The following SPARCL1 variants were observed in gnomAD, a reference collection of about 807,000 sequenced individuals.
SPARCL1 encodes SPARC like 1.
In SPARCL1, 52 loss-of-function variants were observed where a neutral mutation model predicts 67.1. The ratio of observed to expected loss-of-function variants is 0.78; its 90% CI spans 0.62 to 0.98. SPARCL1 has a LOEUF of 0.98. SPARCL1 is among the 50% of genes least tolerant of loss of function. The pLI is 0.00. For synonymous variants in SPARCL1, 226 were observed against 267.8 expected, an observed-to-expected ratio of 0.84 and a Z score of 1.52; for missense variants, 717 against 782.4, an observed-to-expected ratio of 0.92 and a Z score of 1.00.
intron 7 of SPARCL1, among the ~76,000 whole-genome samples, chr4:87,484,926 A>G (rs1723988832): frequency 6.6e-6 from 1 of 152,100 alleles, no homozygotes; most frequent in Admixed American, 6.5e-5. Flanking sequence ...GTATCCTGAG[A>G]CTTTGCTGAA....
chr4:87,516,662 G>A (rs1300983838), intron 1 of SPARCL1, among the ~76,000 whole-genome samples: 1 of 152,150 alleles, frequency 6.6e-6, no homozygotes, highest in Non-Finnish European at 1.5e-5. Flanking sequence ...TCAGCAGTGA[G>A]GAGCATGGAA....
chr4:87,493,908 C>A lies in SPARCL1; in HGVS notation c.892G>T (p.Gly298Cys). ...CTGATAGCTTCTAGGCCAGTTTTAC[C>A]CTCTTGACTCTGCCATTCAGTTTCT... ...IQETEWQSQE[G>C]KTGLEAISNH... Residue 298 changes from glycine (G) to cysteine (C), a missense_variant, in exon 4 of 11, where the codon GGT becomes TGT. Transcript: ENST00000282470. 2 of 1,613,994 alleles carry A rather than the reference C, an allele frequency of 1.2e-6. No homozygotes were observed. The highest frequency in any genetic ancestry group is 1.7e-5 in the Admixed American group (1 of 60,002).
intron 10 of SPARCL1, among the ~76,000 whole-genome samples, 192 bp downstream of exon 10, chr4:87,479,238 C>A (rs921862703): frequency 6.6e-6 from 1 of 152,152 alleles, no homozygotes; most frequent in East Asian, 1.9e-4. Context: ...GAAAACAGTG[C>A]CATAAAGGTA....
chr4:87,520,636 T>C (rs1300502579), intron 1 of SPARCL1, among the ~76,000 whole-genome samples: 2 of 152,188 alleles, frequency 1.3e-5, no homozygotes, highest in African/African-American at 4.8e-5. Flanking sequence ...AGTTTCCTTT[T>C]GTATCAAAAA....
At chr4:87,528,648 T>G (rs1726152106) in intron 1 of SPARCL1, 1 of 152,148 alleles carries the variant, frequency 6.6e-6, no homozygotes, top group South Asian at 2.1e-4. Flanking sequence ...AACATACAAA[T>G]TATTTGATTT....
chr4:87,494,528 GA>G lies in SPARCL1; in HGVS notation c.271del (p.Ser91LeufsTer7). The G allele has an allele frequency of 6.2e-7, 1 of 1,614,098 alleles. No homozygotes were observed. ...HEQSAEQGKS[S>X]SQELGLKDQE... ...ATCCTTCAATCCCAGCTCTTGGCTA[GA>G]ACTCTTGCCCTGTTCTGCTGACTGT... On this transcript the variant is annotated frameshift_variant, in exon 4 of 11. Transcript: ENST00000282470. LOFTEE classifies it high-confidence loss of function.
intron 1 of SPARCL1, among the ~76,000 whole-genome samples, chr4:87,502,706 TC>T: frequency 6.6e-6 from 1 of 152,246 alleles, no homozygotes; most frequent in Non-Finnish European, 1.5e-5. Flanking sequence ...TCTTTGTTTT[TC>T]CTGTTGAAAG....
At chr4:87,505,543 ATATTT>A (rs1311545080) in intron 1 of SPARCL1, among the ~76,000 whole-genome samples, 4 of 151,900 alleles carry the variant, frequency 2.6e-5, no homozygotes, top group African/African-American at 9.6e-5. Context: ...ATAGTCACTT[ATATTT>A]TATTTTATTT....
rs117758185 is a variant in SPARCL1 at position 87,493,886 on chromosome 4, A to G, written c.914T>C (p.Ile305Thr). ...TTCTTCTGTCTCTTTGTGGTTGCTG[A>G]TAGCTTCTAGGCCAGTTTTACCCTC... ...SQEGKTGLEAISNHKETEEKT... is the reference protein window; with the variant it reads ...SQEGKTGLEATSNHKETEEKT... The change falls in exon 4 of 11, where the codon ATC becomes ACC. Residue 305 changes from isoleucine (I) to threonine (T), a missense_variant. Transcript: ENST00000282470. 2.8e-3 allele frequency: 4,564 copies of G among 1,614,134 alleles called. 93 individuals are homozygous for G. The highest frequency in any genetic ancestry group is 0.014 in the East Asian group (627 of 44,888).
chr4:87,517,442 C>T (rs1453845840), intron 1 of SPARCL1, among the ~76,000 whole-genome samples: 1 of 152,134 alleles, frequency 6.6e-6, no homozygotes, highest in Non-Finnish European at 1.5e-5. Context: ...GAATGATTGG[C>T]TTCATGTTGT....
At position 87,494,249 on chromosome 4, in the gene SPARCL1, C is replaced by A; in HGVS notation, c.551G>T (p.Gly184Val). 1 of 1,614,028 alleles carries A rather than the reference C, an allele frequency of 6.2e-7. No homozygotes were observed. Among genetic ancestry groups the A allele is most frequent in the African/African-American group, 1.3e-5 (1 of 74,994 alleles). The change falls in exon 4 of 11, where the codon GGC becomes GTC. Residue 184 changes from glycine to valine, a missense_variant. Gly to Val is a moderately radical substitution (Grantham distance 109). Transcript: ENST00000282470. ...CTCTTGGTTTCCTTGATCCCTTAGG[C>A]CTTGGCTATGTTTACTGCTCCTGTT... The part of the protein sequence containing the change: ...QLNRSSKHSQ[G>V]LRDQGNQEQD...
intron 1 of SPARCL1, among the ~76,000 whole-genome samples, chr4:87,504,185 T>TGTGGGGGGGGGGGGGGGGGGGG (rs1553970328): frequency 5.2e-5 from 1 of 19,064 alleles, no homozygotes; most frequent in Admixed American, 8.0e-4. Context: ...GTGTGTGTGG[T>TGTGGGGGGGGGGGGGGGGGGGG]GGGGTGGGGG....
intron 1 of SPARCL1, among the ~76,000 whole-genome samples, chr4:87,506,167 G>A (rs763885065): frequency 8.5e-5 from 13 of 152,156 alleles, no homozygotes; most frequent in South Asian, 2.1e-4. Context: ...TTGGTTTAGC[G>A]GAAGCAGACT....
chr4:87,524,376 C>T (rs1725950380), intron 1 of SPARCL1, among the ~76,000 whole-genome samples: 1 of 152,134 alleles, frequency 6.6e-6, no homozygotes, highest in South Asian at 2.1e-4. Flanking sequence ...GAAACTTACC[C>T]AATAGTCCCA....
In SPARCL1 at chr4:87,494,368, A is replaced by T; in HGVS notation, c.432T>A (p.Gly144=). ...LSENTDFLAP[G]VSSFTDSNQQ... ...GGTTAGAATCTGTGAAGGAACTAAC[A>T]CCAGGAGCCAAAAAATCAGTGTTCT... Residue 144 remains glycine, a synonymous_variant, in exon 4 of 11, where the codon GGT becomes GGA. Coordinates refer to ENST00000282470, the MANE Select transcript of SPARCL1 (RefSeq NM_004684.6). 2 of 1,614,174 alleles carry T rather than the reference A, an allele frequency of 1.2e-6. No individual in the cohort carries two copies. The highest frequency in any genetic ancestry group is 1.7e-6 in the Non-Finnish European group (2 of 1,180,028).
Position 87,492,962 on chromosome 4 carries a change from A to G in SPARCL1, c.1218+620T>C, listed in dbSNP as rs1301545163. On this transcript the variant is annotated intron_variant, in intron 4 of 10. Coordinates refer to ENST00000282470, the MANE Select transcript of SPARCL1 (RefSeq NM_004684.6). Reference sequence around the variant, plus strand: ...TGTTGGCTCTTTTGTTATGTCAGAGACATTTTGTTGGACACTGGTGATTCA... The same window carrying G: ...TGTTGGCTCTTTTGTTATGTCAGAGGCATTTTGTTGGACACTGGTGATTCA... 3.3e-5 allele frequency among the ~76,000 whole-genome samples: 5 copies of G among 152,218 alleles called. No homozygotes were observed. The East Asian group carries it at 7.7e-4, about 23-fold the overall frequency.
At chr4:87,523,405 C>T (rs1209837217) in intron 1 of SPARCL1, among the ~76,000 whole-genome samples, 1 of 152,154 alleles carries the variant, frequency 6.6e-6, no homozygotes, top group Non-Finnish European at 1.5e-5. Flanking sequence ...AAGTTGGAAT[C>T]ACATAGTTTT....
At chr4:87,480,902 C>T (rs1222626400) in intron 8 of SPARCL1, among the ~76,000 whole-genome samples, 1 of 149,820 alleles carries the variant, frequency 6.7e-6, no homozygotes, top group Non-Finnish European at 1.5e-5. Context: ...AAAAGTGCTG[C>T]TCCTTCCCCC....
rs755641804 is a variant in SPARCL1, at chr4:87,522,677, ACACACG to A, written c.-12+6362_-12+6367del. Among the ~76,000 whole-genome samples the A allele has an allele frequency of 2.2e-3, 310 of 143,004 alleles. 2 individuals carry two copies. The highest frequency in any genetic ancestry group is 7.7e-3 in the African/African-American group (296 of 38,258). 93.8% of individuals were successfully genotyped at this position (143,004 alleles called of 152,430 possible). A position where few individuals can be genotyped will look rare whatever the true frequency, so the allele number is the denominator to read the frequency against. On this transcript the variant is annotated intron_variant, in intron 1 of 10. Transcript: ENST00000282470. The stretch of plus-strand genomic sequence containing the variant: ...CACACACACACACACACACACACAC[ACACACG>A]CACACACACAGAGTTAACCTCTATT...
Sources: gnomAD v4.1 joint callset for allele counts (sites outside exome capture counted in the v4.1 genomes callset) on GRCh38, gnomAD v4.1.1 for gene constraint, MANE v1.5 for transcripts, NCBI Gene and HGNC (gene_info 2026-07-23, HGNC 2026-07-21) for gene names.